CEP78: variants seen among roughly 807,000 people sequenced by gnomAD.
CEP78 encodes centrosomal protein of 78 kDa.
In CEP78, 76 loss-of-function variants were observed where a neutral mutation model predicts 81.2. That is an observed-to-expected ratio of 0.94 (90% CI 0.78 to 1.13). The LOEUF (loss-of-function observed/expected upper bound fraction) is 1.13, where lower values mean the gene tolerates loss of function less well. Among genes scored for constraint, CEP78 ranks in the 50% most tolerant of loss-of-function variants. The pLI is 0.00. For missense variants in CEP78, 918 were observed against 846.8 expected (o/e 1.08, Z -1.04); for synonymous variants, 293 against 301.4 (o/e 0.97, Z 0.29).
intron 3 of CEP78, 104 bp downstream of exon 3, chr9:78,240,468 A>G (rs1826174719): frequency 1.0e-6 from 1 of 953,902 alleles, no homozygotes; most frequent in East Asian, 2.6e-5. Context: ...CTACTGCCTC[A>G]TATGCTTGTT....
At chr9:78,247,717 C>CA (rs1356890799) in intron 6 of CEP78, among the ~76,000 whole-genome samples, 1 of 152,180 alleles carries the variant, frequency 6.6e-6, no homozygotes, top group Non-Finnish European at 1.5e-5. Context: ...TTAGGAGACT[C>CA]ACACTGGTTC....
At chr9:78,243,251 G>T (rs1826314942) in intron 4 of CEP78, among the ~76,000 whole-genome samples, 1 of 152,096 alleles carries the variant, frequency 6.6e-6, no homozygotes, top group African/African-American at 2.4e-5. Flanking sequence ...AGTGGTTAGG[G>T]TCACATAGCT....
chr9:78,244,230 C>G lies in CEP78; in HGVS notation c.778+594C>G, dbSNP rs148158581. Among the ~76,000 whole-genome samples the G allele has an allele frequency of 2.5e-3, 379 of 149,524 alleles. 2 individuals carry two copies. The highest frequency in any genetic ancestry group is 8.7e-3 in the African/African-American group (354 of 40,592). On this transcript the variant is annotated intron_variant, in intron 5 of 16. Coordinates refer to ENST00000643273, the MANE Select transcript of CEP78 (RefSeq NM_001330691.3). The stretch of plus-strand genomic sequence containing the variant: ...TCATACCGCGCTGTAGCCTTAAACT[C>G]CTGGCTCAAGTATCCTCCCACTATA...
At position 78,272,532 on chromosome 9, in the gene CEP78, A is replaced by G. The variant is rs1827715641; in HGVS notation, c.*1681A>G. On this transcript the variant is annotated 3_prime_UTR_variant, in exon 17 of 17. Coordinates refer to ENST00000643273, the MANE Select transcript of CEP78 (RefSeq NM_001330691.3). ...TGAACATGAATGGAGGCATGGCAGG[A>G]CACAGAAAGTGAAAGCTTGTCCTAG... The G allele has an allele frequency of 6.6e-6, 1 of 152,216 alleles. No individual in the cohort carries two copies. Among genetic ancestry groups the G allele is most frequent in the African/African-American group, 2.4e-5 (1 of 41,470 alleles). The allele number at this position is 152,216 out of a possible 1,614,324, so 9.4% of individuals were successfully genotyped here. A position where few individuals can be genotyped will look rare whatever the true frequency, so the allele number is the denominator to read the frequency against.
intron 7 of CEP78, 142 bp from the exon 8 acceptor site, chr9:78,248,620 G>A (rs78576777): frequency 3.0e-4 from 189 of 621,354 alleles, no homozygotes; most frequent in African/African-American, 2.8e-3. Flanking sequence ...TGTAAATACC[G>A]TATGATTCTT....
chr9:78,255,672 A>G (rs984231955), intron 11 of CEP78, among the ~76,000 whole-genome samples: 1 of 152,176 alleles, frequency 6.6e-6, no homozygotes, highest in African/African-American at 2.4e-5. Context: ...AGTGATATTT[A>G]TATAGAGAAA....
chr9:78,274,509 C>G lies in CEP78; in HGVS notation c.*3658C>G, dbSNP rs1330841786. On this transcript the variant is annotated 3_prime_UTR_variant, in exon 17 of 17. Coordinates refer to ENST00000643273, the MANE Select transcript of CEP78 (RefSeq NM_001330691.3). ...TAATAATATTAGAGCTTAAAAAATT[C>G]ATCCCTCTTGCCCATCAGTAGATCA... is the stretch of plus-strand genomic sequence containing the variant. The G allele has an allele frequency of 2.0e-5, 3 of 152,210 alleles. No individual in the cohort carries two copies. The highest frequency in any genetic ancestry group is 6.5e-5 in the Admixed American group (1 of 15,298). The allele number at this position is 152,210 out of a possible 1,614,324, so 9.4% of individuals were successfully genotyped here.
At chr9:78,249,602 C>A (rs1826658842) in intron 8 of CEP78, 1 of 151,598 alleles carries the variant, frequency 6.6e-6, no homozygotes, top group Non-Finnish European at 1.5e-5. Flanking sequence ...ATTTTACATT[C>A]TCCTGAATAC....
Position 78,236,534 on chromosome 9 carries a change from C to T in CEP78, c.184C>T (p.Leu62Phe). 6.2e-7 allele frequency: 1 copy of T among 1,604,632 alleles called. No individual in the cohort carries two copies. The highest frequency in any genetic ancestry group is 1.1e-5 in the South Asian group (1 of 89,606). Residue 62 changes from leucine to phenylalanine, a missense_variant, in exon 1 of 17, where the codon CTC (leucine) becomes TTC (phenylalanine). Coordinates refer to ENST00000643273, the MANE Select transcript of CEP78 (RefSeq NM_001330691.3). ...GGACTGGGCGCCTCTGCTGAGCACC[C>T]TCAAGATCAATAAAGACCTGCCCTT... ...GVDWAPLLST[L>F]KINKDLPLVS... is the part of the protein sequence containing the mutation.
In CEP78 at chr9:78,278,851, C is replaced by T. The variant is rs888881533; in HGVS notation, c.*8000C>T. 6.6e-6 allele frequency: 1 copy of T among 152,024 alleles called. No homozygotes were observed. The highest frequency in any genetic ancestry group is 1.5e-5 in the Non-Finnish European group (1 of 68,010). The allele number at this position is 152,024 out of a possible 1,614,324, so 9.4% of individuals were successfully genotyped here. A position where few individuals can be genotyped will look rare whatever the true frequency, so the allele number is the denominator to read the frequency against. ...CAGAACCCTTTTGTGACACTGAAAA[C>T]CTGAGTTTTCAAACTGATACATCTA... On this transcript the variant is annotated 3_prime_UTR_variant, in exon 17 of 17. Transcript: ENST00000643273.
At chr9:78,239,890 G>A (rs566255560) in intron 1 of CEP78, 133 bp from the exon 2 acceptor site, 1 of 678,574 alleles carries the variant, frequency 1.5e-6, no homozygotes, top group South Asian at 2.3e-5. Flanking sequence ...CATGTGGCTT[G>A]AGTTTACATG....
intron 7 of CEP78, 97 bp from the exon 8 acceptor site, chr9:78,248,664 CT>C: frequency 1.4e-6 from 1 of 702,656 alleles, no homozygotes; most frequent in Non-Finnish European, 2.4e-6. Flanking sequence ...GATTGCAAAC[CT>C]TTTATTAACA....
chr9:78,263,280 G>A (rs896031176), intron 12 of CEP78, among the ~76,000 whole-genome samples: 3 of 152,058 alleles, frequency 2.0e-5, no homozygotes, highest in African/African-American at 7.2e-5. Flanking sequence ...CATTTATTAG[G>A]CTTATACTGT....
At chr9:78,256,023 A>C (rs1446129755) in intron 11 of CEP78, among the ~76,000 whole-genome samples, 3 of 152,260 alleles carry the variant, frequency 2.0e-5, no homozygotes. Context: ...GAACTCCATA[A>C]AACGATATTA....
In CEP78 at chr9:78,262,916, G is replaced by C. The variant is rs1827339238; in HGVS notation, c.1390G>C (p.Glu464Gln). 19 of 1,528,856 alleles carry C rather than the reference G, an allele frequency of 1.2e-5. No homozygotes were observed. Among genetic ancestry groups the C allele is most frequent in the Non-Finnish European group, 1.6e-5 (18 of 1,131,462 alleles). The allele number at this position is 1,528,856 out of a possible 1,614,324, so 94.7% of individuals were successfully genotyped here. The change falls in exon 12 of 17, where the codon GAG becomes CAG. Residue 464 changes from glutamate to glutamine, a missense_variant. Transcript: ENST00000643273. ...TATTACTTAATACTAGGAAAAACTGGAGGAGTGCCTAAAGCAGTTAAAGGA... is the reference window on the plus strand; with the variant it reads ...TATTACTTAATACTAGGAAAAACTGCAGGAGTGCCTAAAGCAGTTAAAGGA... ...IEQEALQEKL[E>Q]ECLKQLKEER...
intron 9 of CEP78, among the ~76,000 whole-genome samples, chr9:78,252,791 A>G (rs1776825586): frequency 6.6e-6 from 1 of 152,228 alleles, no homozygotes; most frequent in East Asian, 1.9e-4. Context: ...ACTGATGACT[A>G]TACTTATTTC....
chr9:78,239,073 C>G (rs964311984), intron 1 of CEP78, among the ~76,000 whole-genome samples: 1 of 151,650 alleles, frequency 6.6e-6, no homozygotes, highest in Non-Finnish European at 1.5e-5. Flanking sequence ...GGCTAGCCTA[C>G]TAGATCTTGC....
In CEP78 at chr9:78,271,888, C is replaced by CT. The variant is rs1476283916; in HGVS notation, c.*1040dup. The CT allele has an allele frequency of 6.6e-5, 10 of 151,876 alleles. No homozygotes were observed. Among genetic ancestry groups the CT allele is most frequent in the African/African-American group, 2.4e-4 (10 of 41,330 alleles). The allele number at this position is 151,876 out of a possible 1,614,324, so 9.4% of individuals were successfully genotyped here. On this transcript the variant is annotated 3_prime_UTR_variant, in exon 17 of 17. Transcript: ENST00000643273. ...AAATTATTGTAGAGTTGGGTTCTTT[C>CT]TTTCTTTTCTTTTTTTCTTTTTTTC...
At position 78,236,507 on chromosome 9, in the gene CEP78, G is replaced by T. The variant is rs564286061; in HGVS notation, c.157G>T (p.Val53Leu). Residue 53 changes from valine (V) to leucine (L), a missense_variant, in exon 1 of 17, where the codon GTG (valine) becomes TTG (leucine). Val to Leu is a conservative substitution (Grantham distance 32). Transcript: ENST00000643273. ...TTTCAACGCCGACCGCCTCCGCGGGGTGGACTGGGCGCCTCTGCTGAGCAC... is the reference window on the plus strand; with the variant it reads ...TTTCAACGCCGACCGCCTCCGCGGGTTGGACTGGGCGCCTCTGCTGAGCAC... Reference protein sequence around the residue: ...LDFNADRLRGVDWAPLLSTLK... With the variant: ...LDFNADRLRGLDWAPLLSTLK... The T allele has an allele frequency of 4.3e-5, 69 of 1,606,966 alleles. 1 individual carries two copies. The South Asian group carries it at 5.4e-4, about 12-fold the overall frequency.
Sources: gnomAD v4.1 joint callset for allele counts (sites outside exome capture counted in the v4.1 genomes callset) on GRCh38, gnomAD v4.1.1 for gene constraint, MANE v1.5 for transcripts, NCBI Gene and HGNC (gene_info 2026-07-23, HGNC 2026-07-21) for gene names.